The following ARHGAP21 variants were observed in gnomAD, a reference collection of about 807,000 sequenced individuals.
ARHGAP21 encodes the protein Rho GTPase activating protein 21.
ARHGAP21 carries 38 observed loss-of-function variants against 164.6 expected under a neutral mutation model. That is an observed-to-expected ratio of 0.23 (90% CI 0.18 to 0.30). ARHGAP21 has a LOEUF of 0.30. Ranked by LOEUF, ARHGAP21 falls within the 10% of genes least tolerant of loss-of-function variation. The pLI, the probability that ARHGAP21 is intolerant of heterozygous loss-of-function variation, is 1.00. For synonymous variants in ARHGAP21, 766 were observed against 857.9 expected, an observed-to-expected ratio of 0.89 and a Z score of 1.87; for missense variants, 1,822 against 2,370.7, an observed-to-expected ratio of 0.77 and a Z score of 4.81.
At chr10:24,661,483 A>G (rs941300812) in intron 4 of ARHGAP21, among the ~76,000 whole-genome samples, 1 of 152,208 alleles carries the variant, frequency 6.6e-6, no homozygotes, top group Non-Finnish European at 1.5e-5. Context: ...AGATTTCACT[A>G]AACTGCCAAA....
intron 4 of ARHGAP21, chr10:24,648,881 A>G: frequency 1.0e-6 from 1 of 985,036 alleles, no homozygotes; most frequent in South Asian, 4.7e-5. Flanking sequence ...ATCATGTCCT[A>G]GTCAGTCAGA....
chr10:24,642,745 G>A (rs1837203356), intron 4 of ARHGAP21, among the ~76,000 whole-genome samples: 1 of 152,108 alleles, frequency 6.6e-6, no homozygotes, highest in Non-Finnish European at 1.5e-5. Context: ...AAAATCATAT[G>A]AGAATCCTAA....
At chr10:24,597,296 G>C in intron 16 of ARHGAP21, 151 bp downstream of exon 16, 3 of 957,712 alleles carry the variant, frequency 3.1e-6, no homozygotes, top group South Asian at 2.1e-5. Context: ...CAAAGGGAAA[G>C]GCCCAATGAG....
chr10:24,616,821 T>C (rs1405125321), intron 9 of ARHGAP21, among the ~76,000 whole-genome samples: 2 of 152,206 alleles, frequency 1.3e-5, no homozygotes, highest in African/African-American at 4.8e-5. Context: ...TGTTTACTTA[T>C]AAAAGAAGTT....
At chr10:24,617,425 TCATAAA>T (rs1834063278) in intron 9 of ARHGAP21, among the ~76,000 whole-genome samples, 1 of 152,116 alleles carries the variant, frequency 6.6e-6, no homozygotes, top group Non-Finnish European at 1.5e-5. Context: ...TTTTAAAACT[TCATAAA>T]ACAATCATTC....
chr10:24,671,767 G>A (rs956022204), intron 2 of ARHGAP21, among the ~76,000 whole-genome samples: 6 of 150,662 alleles, frequency 4.0e-5, no homozygotes, highest in African/African-American at 1.5e-4. Flanking sequence ...CTGTGGCCTG[G>A]GCTGGAGTGC....
chr10:24,585,771 T>C lies in ARHGAP21; in HGVS notation c.4518A>G (p.Pro1506=), dbSNP rs1224576869. 1.2e-6 allele frequency: 2 copies of C among 1,613,842 alleles called. No homozygotes were observed. The highest frequency in any genetic ancestry group is 1.3e-5 in the African/African-American group (1 of 74,910). The part of the protein sequence containing the change: ...ESTPSEEPSP[P]HNSKHNKSPT... ...GTGACTTGTTGTGTTTTGAGTTGTG[T>C]GGTGGTGAGGGTTCTTCAGAAGGCG... is the stretch of plus-strand genomic sequence containing the variant. Residue 1506 remains proline (P), a synonymous_variant, in exon 26 of 26, where the codon CCA becomes CCG. Transcript: ENST00000396432.
In ARHGAP21 at chr10:24,595,227, T is replaced by C. The variant is rs137887968; in HGVS notation, c.3713-37A>G. ...AACAATAAAACAAATTTATCTTAAATTGCCTAGGTGAATTGTAATCTAGTT... is the reference window on the plus strand; with the variant it reads ...AACAATAAAACAAATTTATCTTAAACTGCCTAGGTGAATTGTAATCTAGTT... On this transcript the variant is annotated intron_variant, in intron 19 of 25. Coordinates refer to ENST00000396432, the MANE Select transcript of ARHGAP21 (RefSeq NM_020824.4). 1.1e-3 allele frequency: 1,646 copies of C among 1,536,076 alleles called. 30 individuals carry two copies. In the East Asian group the frequency reaches 0.029, roughly 27 times the overall value.
intron 21 of ARHGAP21, among the ~76,000 whole-genome samples, chr10:24,593,967 A>G (rs1011933278): frequency 6.6e-6 from 1 of 152,112 alleles, no homozygotes; most frequent in Non-Finnish European, 1.5e-5. Flanking sequence ...TTTGCAGGTA[A>G]TAGAGGTTGA....
chr10:24,718,483 C>G (rs16924942), intron 2 of ARHGAP21, among the ~76,000 whole-genome samples: 2,080 of 151,974 alleles, frequency 0.014, 53 homozygotes, highest in African/African-American at 0.048. Context: ...TGGATAAAAC[C>G]AACAATGGGG....
chr10:24,621,165 A>C lies in ARHGAP21; in HGVS notation c.730T>G (p.Tyr244Asp). ...GGAGGCACTTGTATTTCCATTCTAT[A>C]GGCCCTACCAGGTTGTGTCAGTACT... The part of the protein sequence containing the change: ...TPVLTQPGRA[Y>D]RMEIQVPPSP... The change falls in exon 9 of 26, where the codon TAT becomes GAT. Residue 244 changes from tyrosine to aspartate, a missense_variant. Tyr to Asp is a radical substitution (Grantham distance 160). Transcript: ENST00000396432. The C allele has an allele frequency of 6.2e-7, 1 of 1,613,842 alleles. No homozygotes were observed. Among genetic ancestry groups the C allele is most frequent in the Non-Finnish European group, 8.5e-7 (1 of 1,179,804 alleles).
intron 9 of ARHGAP21, among the ~76,000 whole-genome samples, chr10:24,610,544 T>G (rs1388848936): frequency 6.6e-6 from 1 of 152,118 alleles, no homozygotes. Context: ...AAAATTTTGC[T>G]TTGGAAAACA....
intron 2 of ARHGAP21, among the ~76,000 whole-genome samples, chr10:24,709,562 A>T (rs1844566710): frequency 1.3e-5 from 2 of 151,986 alleles, no homozygotes; most frequent in Middle Eastern, 3.2e-3. Context: ...AAACAGTGAG[A>T]CCTCATCTCT....
At chr10:24,599,583 T>A (rs977582634) in intron 14 of ARHGAP21, among the ~76,000 whole-genome samples, 3 of 152,198 alleles carry the variant, frequency 2.0e-5, no homozygotes, top group Non-Finnish European at 2.9e-5. Flanking sequence ...TTCCTGAGTA[T>A]TAAAAGAGAA....
chr10:24,715,634 C>T lies in ARHGAP21; in HGVS notation c.63+6203G>A, dbSNP rs552905689. Among the ~76,000 whole-genome samples, 72 of 152,190 alleles carry T rather than the reference C, an allele frequency of 4.7e-4. 1 individual carries two copies. The Middle Eastern group carries it at 0.01, about 22-fold the overall frequency. ...CCAAAAATTTTAACAGCAGTTCTAA[C>T]GGAAATGAAATAGAATTTAAGGTGG... On this transcript the variant is annotated intron_variant, in intron 2 of 25. Transcript: ENST00000396432.
intron 2 of ARHGAP21, among the ~76,000 whole-genome samples, chr10:24,721,312 G>A (rs927619097): frequency 1.3e-5 from 2 of 152,104 alleles, no homozygotes; most frequent in African/African-American, 4.8e-5. Flanking sequence ...AACTATTCAC[G>A]GAAAAACACT....
At chr10:24,590,768 G>T (rs375369496) in intron 24 of ARHGAP21, 2 of 985,216 alleles carry the variant, frequency 2.0e-6, no homozygotes, top group Non-Finnish European at 2.4e-6. Context: ...TGAAAATGGT[G>T]CCCATTACCA....
At chr10:24,589,719 A>T (rs1196092176) in intron 24 of ARHGAP21, 1 of 166,552 alleles carries the variant, frequency 6.0e-6, no homozygotes, top group Non-Finnish European at 1.3e-5. Flanking sequence ...CCCTAGCTAC[A>T]ATTGAGACAC....
chr10:24,647,011 C>T (rs1245798778), intron 4 of ARHGAP21, among the ~76,000 whole-genome samples: 5 of 152,178 alleles, frequency 3.3e-5, no homozygotes, highest in African/African-American at 9.7e-5. Flanking sequence ...TCTTCTTTTT[C>T]ACCTGTATCG....
Sources: allele counts gnomAD v4.1 joint callset (sites outside exome capture counted in the v4.1 genomes callset), GRCh38; gene constraint gnomAD v4.1.1; transcripts MANE v1.5; gene names NCBI Gene and HGNC (gene_info 2026-07-23, HGNC 2026-07-21).